The following EFR3A variants were observed in gnomAD, a reference collection of about 807,000 sequenced individuals.
EFR3A encodes protein EFR3 homolog A.
A neutral mutation model predicts 104.4 loss-of-function variants in EFR3A; 76 were observed. The ratio of observed to expected loss-of-function variants is 0.73; its 90% CI spans 0.60 to 0.88. EFR3A has a LOEUF of 0.88. Among genes scored for constraint, EFR3A ranks in the 40% least tolerant of loss-of-function variants. EFR3A has a pLI of 0.00. For synonymous variants in EFR3A, 330 were observed against 330.0 expected, an observed-to-expected ratio of 1.00 and a Z score of 0.00; for missense variants, 985 against 1,012.5, an observed-to-expected ratio of 0.97 and a Z score of 0.37.
At chr8:131,975,938 A>G (rs1820304223) in intron 10 of EFR3A, 89 bp from the exon 11 acceptor site, 1 of 716,676 alleles carries the variant, frequency 1.4e-6, no homozygotes, top group Non-Finnish European at 2.4e-6. Flanking sequence ...GTTTTACCAC[A>G]TATTGAAAAC....
At chr8:131,988,625 G>C (rs1821017067) in intron 18 of EFR3A, among the ~76,000 whole-genome samples, 1 of 151,876 alleles carries the variant, frequency 6.6e-6, no homozygotes, top group South Asian at 2.1e-4. Context: ...AAGATTATTA[G>C]AGCTTTATAA....
intron 8 of EFR3A, among the ~76,000 whole-genome samples, chr8:131,963,733 C>T (rs1819535138): frequency 6.6e-6 from 1 of 152,176 alleles, no homozygotes; most frequent in Admixed American, 6.5e-5. Context: ...AGGCCAGCAT[C>T]ATCCTGATAC....
At position 131,953,999 on chromosome 8, in the gene EFR3A, G is replaced by A. The variant is rs1818845695; in HGVS notation, c.638+32G>A. ...AAAAAAATATTAGTGTTGAGACAGT[G>A]TTACTTTTATATATATGTATGTGTG... On this transcript the variant is annotated intron_variant, in intron 6 of 22. Coordinates refer to ENST00000254624, the MANE Select transcript of EFR3A (RefSeq NM_015137.6). The A allele has an allele frequency of 2.0e-6, 3 of 1,489,076 alleles. No homozygotes were observed. The African/African-American group carries it at 4.2e-5, about 21-fold the overall frequency. The allele number at this position is 1,489,076 out of a possible 1,614,324, so 92.2% of individuals were successfully genotyped here.
chr8:131,984,617 A>G (rs1418473337), intron 15 of EFR3A, among the ~76,000 whole-genome samples: 1 of 152,110 alleles, frequency 6.6e-6, no homozygotes, highest in African/African-American at 2.4e-5. Context: ...GCAGTTGTTT[A>G]ATTAGAGTTG....
rs373337601 is a variant in EFR3A, at chr8:131,944,859, A to C, written c.202A>C (p.Arg68=). ...AGAAAGGTTGAGCAGGGATGTTGTC[A>C]GACATCGTTCTGGGTAAGGAAACTA... The part of the protein sequence containing the change: ...LAERLSRDVV[R]HRSGYVLIAM... The change falls in exon 3 of 23, where the codon AGA becomes CGA. Residue 68 remains arginine (R), a synonymous_variant. Transcript: ENST00000254624. The C allele has an allele frequency of 2.5e-5, 41 of 1,610,280 alleles. No homozygotes were observed. In the African/African-American group the frequency reaches 3.3e-4, roughly 13 times the overall value.
chr8:131,988,463 A>G (rs1052500358), intron 18 of EFR3A, among the ~76,000 whole-genome samples: 8 of 152,046 alleles, frequency 5.3e-5, no homozygotes, highest in African/African-American at 1.4e-4. Context: ...TTTTAATAAC[A>G]TGGATCCAAA....
At chr8:131,914,104 C>T (rs1816642874) in intron 1 of EFR3A, among the ~76,000 whole-genome samples, 1 of 152,166 alleles carries the variant, frequency 6.6e-6, no homozygotes, top group Admixed American at 6.5e-5. Context: ...ATCATCCCAC[C>T]ATCTGCTGCA....
intron 8 of EFR3A, among the ~76,000 whole-genome samples, chr8:131,964,493 T>C (rs980777858): frequency 4.0e-5 from 6 of 151,888 alleles, no homozygotes; most frequent in African/African-American, 1.2e-4. Context: ...GAGAATAAAA[T>C]ACCTAGGAAT....
chr8:131,942,153 G>A (rs529813117), intron 2 of EFR3A, among the ~76,000 whole-genome samples: 27 of 152,116 alleles, frequency 1.8e-4, no homozygotes, highest in Non-Finnish European at 3.2e-4. Context: ...CTTGATCATT[G>A]AAATGACCAT....
intron 10 of EFR3A, among the ~76,000 whole-genome samples, chr8:131,971,933 G>C (rs1049304166): frequency 2.6e-5 from 4 of 152,088 alleles, no homozygotes; most frequent in Admixed American, 6.5e-5. Context: ...TTTTCATCCA[G>C]ACTTAAGGTT....
intron 1 of EFR3A, among the ~76,000 whole-genome samples, chr8:131,923,535 G>A (rs1217448394): frequency 7.0e-6 from 1 of 142,566 alleles, no homozygotes; most frequent in Non-Finnish European, 1.5e-5. Flanking sequence ...AATTGGAAAT[G>A]CCACATTCAG....
Position 131,984,137 on chromosome 8 carries a change from A to G in EFR3A, c.1576-2A>G. ...CCTTTGTCCTCTGTCTTTTCTCCTCAGAATGGGCAACAGCTGTATCGGCAC... is the reference window on the plus strand; with the variant it reads ...CCTTTGTCCTCTGTCTTTTCTCCTCGGAATGGGCAACAGCTGTATCGGCAC... On this transcript the variant is annotated splice_acceptor_variant, in intron 14 of 22. Transcript: ENST00000254624. LOFTEE classifies it high-confidence loss of function. 1 of 1,593,430 alleles carries G rather than the reference A, an allele frequency of 6.3e-7. No homozygotes were observed. The highest frequency in any genetic ancestry group is 1.8e-5 in the Admixed American group (1 of 55,412).
At chr8:131,956,678 T>C (rs1159465852) in intron 7 of EFR3A, among the ~76,000 whole-genome samples, 1 of 152,170 alleles carries the variant, frequency 6.6e-6, no homozygotes, top group East Asian at 1.9e-4. Flanking sequence ...CAGATGGATG[T>C]TCTTAGCCTA....
At chr8:131,910,341 G>A (rs564365857) in intron 1 of EFR3A, among the ~76,000 whole-genome samples, 26 of 151,824 alleles carry the variant, frequency 1.7e-4, no homozygotes, top group African/African-American at 6.0e-4. Flanking sequence ...GTGTGATCTC[G>A]GCTCACTGCA....
At chr8:131,987,468 T>A in intron 17 of EFR3A, 107 bp from the exon 18 acceptor site, 1 of 1,244,470 alleles carries the variant, frequency 8.0e-7, no homozygotes, top group Non-Finnish European at 1.1e-6. Flanking sequence ...TTACATTGTG[T>A]TTATATTTAG....
intron 1 of EFR3A, among the ~76,000 whole-genome samples, chr8:131,928,394 G>T (rs1302626967): frequency 2.6e-5 from 4 of 151,952 alleles, no homozygotes; most frequent in Non-Finnish European, 5.9e-5. Flanking sequence ...TTTTCCTTTT[G>T]TTGTTATTCT....
At chr8:131,943,377 T>C (rs1395674134) in intron 2 of EFR3A, among the ~76,000 whole-genome samples, 1 of 152,014 alleles carries the variant, frequency 6.6e-6, no homozygotes, top group Admixed American at 6.6e-5. Context: ...TAGTAAGGGA[T>C]TAAAAATATA....
At chr8:131,941,073 A>G (rs966629888) in intron 2 of EFR3A, among the ~76,000 whole-genome samples, 7 of 152,260 alleles carry the variant, frequency 4.6e-5, no homozygotes, top group African/African-American at 1.4e-4. Context: ...GTTGAGGAGA[A>G]GAAAGCCTGG....
At chr8:131,907,650 A>G (rs1375268437) in intron 1 of EFR3A, among the ~76,000 whole-genome samples, 1 of 152,222 alleles carries the variant, frequency 6.6e-6, no homozygotes, top group Non-Finnish European at 1.5e-5. Context: ...TGAATTATAA[A>G]AGAGGGTTGC....
Sources: allele counts gnomAD v4.1 joint callset (sites outside exome capture counted in the v4.1 genomes callset), GRCh38; gene constraint gnomAD v4.1.1; transcripts MANE v1.5; gene names NCBI Gene and HGNC (gene_info 2026-07-23, HGNC 2026-07-21).